MTMR2: variants seen among roughly 807,000 people sequenced by gnomAD.
MTMR2 encodes the protein myotubularin related protein 2.
In MTMR2, 55 loss-of-function variants were observed where a neutral mutation model predicts 86.9. That is an observed-to-expected ratio of 0.63 (90% CI 0.51 to 0.79). The LOEUF (loss-of-function observed/expected upper bound fraction) is 0.79. MTMR2 is among the 30% of genes least tolerant of loss of function. MTMR2 has a pLI of 0.00. For synonymous variants in MTMR2, 241 were observed against 266.8 expected (o/e 0.90, Z 0.94); for missense variants, 659 against 772.3 (o/e 0.85, Z 1.74).
chr11:95,923,762 C>G (rs1361353601), intron 1 of MTMR2, 113 bp downstream of exon 1: 2 of 1,488,234 alleles, frequency 1.3e-6, no homozygotes, highest in Middle Eastern at 1.8e-4. Flanking sequence ...GGAAGGAATT[C>G]CGGCGTAGCC....
chr11:95,923,612 T>C, intron 1 of MTMR2: 2 of 1,300,768 alleles, frequency 1.5e-6, no homozygotes, highest in Non-Finnish European at 2.0e-6. Flanking sequence ...AGTAATTAAC[T>C]GGGACCACCT....
At chr11:95,853,364 T>C (rs1224713427) in intron 7 of MTMR2, among the ~76,000 whole-genome samples, 3 of 152,110 alleles carry the variant, frequency 2.0e-5, no homozygotes, top group Non-Finnish European at 4.4e-5. Flanking sequence ...CAGGCCATTA[T>C]CACTTCTCTC....
intron 7 of MTMR2, 32 bp from the exon 8 acceptor site, chr11:95,850,781 C>G (rs1254190957): frequency 4.5e-6 from 7 of 1,563,934 alleles, no homozygotes; most frequent in Non-Finnish European, 6.1e-6. Flanking sequence ...AGACAAATTA[C>G]TATATAACTA....
intron 1 of MTMR2, chr11:95,907,814 C>T (rs985287026): frequency 3.6e-5 from 14 of 388,176 alleles, no homozygotes; most frequent in East Asian, 3.1e-4. Flanking sequence ...AATTCAATAA[C>T]GCTTCATGTT....
At chr11:95,869,303 A>G (rs1864761151) in intron 2 of MTMR2, among the ~76,000 whole-genome samples, 1 of 152,002 alleles carries the variant, frequency 6.6e-6, no homozygotes, top group Non-Finnish European at 1.5e-5. Context: ...TCAACTTACA[A>G]TGGGTTTATC....
chr11:95,850,723 T>C lies in MTMR2; in HGVS notation c.681A>G (p.Ile227Met). Reference sequence around the variant, plus strand: ...GTTCATATCGTTCATTTATCTTTGTTATTCTCCAGCTTTCATTTGGAATTC... The same window carrying C: ...GTTCATATCGTTCATTTATCTTTGTCATTCTCCAGCTTTCATTTGGAATTC... The part of the protein sequence containing the change: ...RQGIPNESWR[I>M]TKINERYELC... Residue 227 changes from isoleucine to methionine, a missense_variant, in exon 8 of 15, where the codon ATA becomes ATG. By Grantham distance (10) the Ile-to-Met change is conservative. This residue lies in a region of MTMR2 where 387 missense variants were observed against 526.3 expected (regional missense o/e 0.74). Transcript: ENST00000346299. 1.2e-6 allele frequency: 2 copies of C among 1,614,078 alleles called. No individual in the cohort carries two copies. The highest frequency in any genetic ancestry group is 1.1e-5 in the South Asian group (1 of 91,088).
rs1022642412 is a variant in MTMR2 at position 95,834,056 on chromosome 11, A to G, written c.*1234T>C. 2.0e-5 allele frequency: 3 copies of G among 146,448 alleles called. No individual in the cohort carries two copies. The highest frequency in any genetic ancestry group is 8.3e-5 in the African/African-American group (3 of 36,276). 9.1% of individuals were successfully genotyped at this position (146,448 alleles called of 1,614,324 possible). A position where few individuals can be genotyped will look rare whatever the true frequency, so the allele number is the denominator to read the frequency against. Reference sequence around the variant, plus strand: ...CAATAATTTCCAAATATTTCTGGGGAAAAAAAAGAAATGGCAACTTTGGAC... The same window carrying G: ...CAATAATTTCCAAATATTTCTGGGGGAAAAAAAGAAATGGCAACTTTGGAC... On this transcript the variant is annotated 3_prime_UTR_variant, in exon 15 of 15. Transcript: ENST00000346299.
chr11:95,923,576 T>G, intron 1 of MTMR2: 2 of 941,364 alleles, frequency 2.1e-6, no homozygotes, highest in Non-Finnish European at 2.8e-6. Context: ...TAAAAAAGGT[T>G]TGAGAGGGAA....
chr11:95,845,659 T>C (rs1423650980), intron 10 of MTMR2, among the ~76,000 whole-genome samples: 9 of 151,954 alleles, frequency 5.9e-5, no homozygotes, highest in African/African-American at 2.2e-4. Flanking sequence ...TCACAGAGCA[T>C]ACAGCAAGCA....
chr11:95,849,064 C>T (rs576737764), intron 9 of MTMR2, among the ~76,000 whole-genome samples: 2 of 152,070 alleles, frequency 1.3e-5, no homozygotes, highest in Admixed American at 1.3e-4. Flanking sequence ...AAAAGATGAG[C>T]GCTTTTCAGT....
chr11:95,909,748 T>C (rs988117268), intron 1 of MTMR2, among the ~76,000 whole-genome samples: 1 of 152,110 alleles, frequency 6.6e-6, no homozygotes, highest in Non-Finnish European at 1.5e-5. Context: ...TGATGCATTA[T>C]AAAATCTTGC....
chr11:95,856,287 T>C (rs1864209998), intron 7 of MTMR2, among the ~76,000 whole-genome samples: 2 of 151,482 alleles, frequency 1.3e-5, no homozygotes, highest in Admixed American at 6.6e-5. Context: ...CAGTATACCC[T>C]GCTGGACCTT....
rs774911582 is a variant in MTMR2 at position 95,836,242 on chromosome 11, T to G, written c.1676A>C (p.Tyr559Ser). ...EDFTNPLYGS[Y>S]SNHVLYPVAS... ...TACTGGATAAAGGACATGATTGGAA[T>G]AGCTCCCATAGAGAGGATTAGTGAA... The change falls in exon 14 of 15, where the codon TAT (tyrosine) becomes TCT (serine). Residue 559 changes from tyrosine to serine, a missense_variant. By Grantham distance (144) the Tyr-to-Ser change is moderately radical (BLOSUM62 -2). This residue lies in a region of MTMR2 where 193 missense variants were observed against 191.6 expected (regional missense o/e 1.01). Transcript: ENST00000346299. 4.3e-6 allele frequency: 7 copies of G among 1,612,858 alleles called. 1 individual carries two copies. In the South Asian group the frequency reaches 6.6e-5, roughly 15 times the overall value.
At chr11:95,870,305 C>G (rs755783787) in intron 2 of MTMR2, among the ~76,000 whole-genome samples, 30 of 151,608 alleles carry the variant, frequency 2.0e-4, no homozygotes, top group Non-Finnish European at 4.4e-4. Flanking sequence ...TAATAAAATA[C>G]TGGGGAGAAG....
At chr11:95,886,848 A>ACC (rs1323247379) in intron 2 of MTMR2, among the ~76,000 whole-genome samples, 1 of 152,188 alleles carries the variant, frequency 6.6e-6, no homozygotes, top group Non-Finnish European at 1.5e-5. Context: ...AACATTAGAT[A>ACC]CATACATATA....
At chr11:95,846,739 A>G (rs182186452) in intron 10 of MTMR2, among the ~76,000 whole-genome samples, 53 of 152,334 alleles carry the variant, frequency 3.5e-4, no homozygotes, top group African/African-American at 1.3e-3. Flanking sequence ...GATTTATGTT[A>G]GTTCCAAATC....
intron 5 of MTMR2, among the ~76,000 whole-genome samples, chr11:95,860,893 C>A (rs1278311548): frequency 1.3e-5 from 2 of 152,106 alleles, no homozygotes; most frequent in African/African-American, 2.4e-5. Flanking sequence ...CACGGTGGCT[C>A]ACGCCTGTAA....
chr11:95,920,321 T>C (rs1866869465), intron 1 of MTMR2, among the ~76,000 whole-genome samples: 1 of 152,174 alleles, frequency 6.6e-6, no homozygotes, highest in Non-Finnish European at 1.5e-5. Flanking sequence ...TTTTTGTTTT[T>C]GTTTGAGATG....
At chr11:95,856,646 A>C (rs568444468) in intron 7 of MTMR2, among the ~76,000 whole-genome samples, 1 of 151,920 alleles carries the variant, frequency 6.6e-6, no homozygotes, top group Middle Eastern at 3.4e-3. Context: ...CACAATTCCT[A>C]ATCTCTTAAT....
Sources: allele counts gnomAD v4.1 joint callset (sites outside exome capture counted in the v4.1 genomes callset), GRCh38; gene constraint gnomAD v4.1.1; regional missense constraint gnomAD v4.1.1; transcripts MANE v1.5; gene names NCBI Gene and HGNC (gene_info 2026-07-23, HGNC 2026-07-21).